AKNA: variants seen among roughly 807,000 people sequenced by gnomAD.
AKNA encodes AT-hook transcription factor, also known as microtubule organization protein AKNA.
AKNA carries 67 observed loss-of-function variants against 138.8 expected under a neutral mutation model. The ratio of observed to expected loss-of-function variants is 0.48; its 90% CI spans 0.40 to 0.59. The LOEUF (loss-of-function observed/expected upper bound fraction) is 0.59, where lower values mean the gene tolerates loss of function less well. AKNA is among the 20% of genes least tolerant of loss of function. The pLI is 0.00. For missense variants in AKNA, 1,813 were observed against 1,880.4 expected (o/e 0.96, Z 0.66); for synonymous variants, 737 against 754.4 (o/e 0.98, Z 0.38).
rs1832606987 is a variant in AKNA, at chr9:114,369,492, G to A, written c.1417-897C>T. 2.0e-5 allele frequency among the ~76,000 whole-genome samples: 3 copies of A among 152,196 alleles called. No individual in the cohort carries two copies. The South Asian group carries it at 6.2e-4, about 32-fold the overall frequency. ...TTTGCCAACTCTGGCTTAGCATGTG[G>A]GCTCTGCAGCTAGAGCCCAGGTTCC... On this transcript the variant is annotated intron_variant, in intron 4 of 21. Coordinates refer to ENST00000374088, the MANE Select transcript of AKNA (RefSeq NM_001317950.2).
At chr9:114,379,853 A>T (rs1425625926) in intron 2 of AKNA, among the ~76,000 whole-genome samples, 1 of 152,176 alleles carries the variant, frequency 6.6e-6, no homozygotes, top group Admixed American at 6.6e-5. Flanking sequence ...TTGGGATTTT[A>T]AAAAACCTTA....
At chr9:114,358,242 C>T (rs1456740472) in intron 11 of AKNA, 75 bp from the exon 12 acceptor site, 1 of 1,589,144 alleles carries the variant, frequency 6.3e-7, no homozygotes, top group African/African-American at 1.3e-5. Context: ...GTCCTGGGAG[C>T]CAAGCAGCCC....
chr9:114,389,112 C>T (rs1418230051), upstream of AKNA, among the ~76,000 whole-genome samples: 2 of 152,268 alleles, frequency 1.3e-5, no homozygotes, highest in East Asian at 1.9e-4. Flanking sequence ...AAAAGCAAGC[C>T]ACAAGAAGGT....
rs566700629 is a variant in AKNA at position 114,363,302 on chromosome 9, G to T, written c.1789-769C>A. ...CATGGCTAAAGCTGCAGGAATTGGGGTTGGTATCACTGTCTTACTACCATC... is the reference window on the plus strand; with the variant it reads ...CATGGCTAAAGCTGCAGGAATTGGGTTTGGTATCACTGTCTTACTACCATC... On this transcript the variant is annotated intron_variant, in intron 7 of 21. Coordinates refer to ENST00000374088, the MANE Select transcript of AKNA (RefSeq NM_001317950.2). Among the ~76,000 whole-genome samples, 14 of 152,328 alleles carry T rather than the reference G, an allele frequency of 9.2e-5. No homozygotes were observed. In the South Asian group the frequency reaches 2.9e-3, roughly 32 times the overall value.
intron 12 of AKNA, among the ~76,000 whole-genome samples, 185 bp from the exon 13 acceptor site, chr9:114,357,154 G>T (rs1180849413): frequency 6.6e-6 from 1 of 152,174 alleles, no homozygotes; most frequent in East Asian, 1.9e-4. Flanking sequence ...CAAGAATCTG[G>T]CTACCAGCAG....
chr9:114,352,699 G>A (rs1831215034), intron 14 of AKNA, among the ~76,000 whole-genome samples: 1 of 151,820 alleles, frequency 6.6e-6, no homozygotes, highest in Admixed American at 6.6e-5. Context: ...GAGGCGGGCG[G>A]GTCACAAGGT....
chr9:114,380,751 G>A lies in AKNA; in HGVS notation c.274+309C>T, dbSNP rs543332799. ...AGCACTTTGGGAGGCCGAGGCGGGC[G>A]GATCACGAGGTCAAGAGATTGAGAC... On this transcript the variant is annotated intron_variant, in intron 2 of 21. Coordinates refer to ENST00000374088, the MANE Select transcript of AKNA (RefSeq NM_001317950.2). Among the ~76,000 whole-genome samples, 601 of 151,260 alleles carry A rather than the reference G, an allele frequency of 4.0e-3. 2 individuals are homozygous for A. The highest frequency in any genetic ancestry group is 6.7e-3 in the Non-Finnish European group (455 of 67,886).
downstream of AKNA, chr9:114,330,516 T>A (rs1197966170): frequency 3.1e-6 from 5 of 1,612,018 alleles, no homozygotes; most frequent in Admixed American, 8.3e-5. Flanking sequence ...CAAGCAACCT[T>A]CTTTTACTTT....
At chr9:114,364,661 GTC>G in intron 6 of AKNA, 42 bp from the exon 7 acceptor site, 1 of 1,599,680 alleles carries the variant, frequency 6.3e-7, no homozygotes, top group Non-Finnish European at 8.6e-7. Flanking sequence ...CATTAATCCA[GTC>G]CTGTAGACTC....
Position 114,337,012 on chromosome 9 carries a change from T to TGGGGGGGGCG in AKNA, c.*41_*42insCGCCCCCCCC. The TGGGGGGGGCG allele has an allele frequency of 8.3e-7, 1 of 1,208,224 alleles. No individual in the cohort carries two copies. The allele number at this position is 1,208,224 out of a possible 1,614,324, so 74.8% of individuals were successfully genotyped here. On this transcript the variant is annotated 3_prime_UTR_variant, in exon 22 of 22. Coordinates refer to ENST00000374088, the MANE Select transcript of AKNA (RefSeq NM_001317950.2). ...CCCACTCCTGGCCTGGCAGGCCACC[T>TGGGGGGGGCG]GCCCACCCACCCACCCATCTGCCTC...
chr9:114,372,681 T>C (rs1194026477), intron 4 of AKNA, among the ~76,000 whole-genome samples: 2 of 152,140 alleles, frequency 1.3e-5, no homozygotes, highest in African/African-American at 4.8e-5. Context: ...AGCCCAAGTG[T>C]TTGGGTCTGA....
Position 114,355,987 on chromosome 9 carries a change from C to G in AKNA, c.2996G>C (p.Ser999Thr). 1 of 1,614,204 alleles carries G rather than the reference C, an allele frequency of 6.2e-7. No individual in the cohort carries two copies. The highest frequency in any genetic ancestry group is 8.5e-7 in the Non-Finnish European group (1 of 1,180,036). ...SQAQRYLSSP[S>T]GPLRQRAPNF... Reference sequence around the variant, plus strand: ...GGGTGCCCTCTGCCGGAGAGGCCCACTTGGGCTGGAGAGGTACCTCTGTGC... The same window carrying G: ...GGGTGCCCTCTGCCGGAGAGGCCCAGTTGGGCTGGAGAGGTACCTCTGTGC... The change falls in exon 14 of 22, where the codon AGT (serine) becomes ACT (threonine). Residue 999 changes from serine to threonine, a missense_variant. Ser to Thr is a moderately conservative substitution (Grantham distance 58). Coordinates refer to ENST00000374088, the MANE Select transcript of AKNA (RefSeq NM_001317950.2).
At chr9:114,361,035 G>C (rs1399746624) in intron 9 of AKNA, among the ~76,000 whole-genome samples, 2 of 152,034 alleles carry the variant, frequency 1.3e-5, no homozygotes, top group Non-Finnish European at 2.9e-5. Context: ...GTCCACACAT[G>C]CTTCTCCATT....
chr9:114,377,188 TC>T lies in AKNA; in HGVS notation c.618del (p.Ser207AlafsTer38). ...SPARSWSSGT[V>X]SLDHPSDSLD... ...AGGCTGTCACTAGGGTGGTCGAGGC[TC>T]ACTGTCCCACTGCTCCAGGACCTTG... On this transcript the variant is annotated frameshift_variant, in exon 3 of 22. Transcript: ENST00000374088. LOFTEE classifies it high-confidence loss of function. 1 of 1,614,176 alleles carries T rather than the reference TC, an allele frequency of 6.2e-7. No homozygotes were observed. The highest frequency in any genetic ancestry group is 8.5e-7 in the Non-Finnish European group (1 of 1,180,010).
rs770304338 is a variant in AKNA, at chr9:114,355,970, T to A, written c.3013A>T (p.Arg1005Trp). ...LSSPSGPLRQ[R>W]APNFSLERTL... Reference sequence around the variant, plus strand: ...CGCTCCAGGCTGAAGTTGGGTGCCCTCTGCCGGAGAGGCCCACTTGGGCTG... The same window carrying A: ...CGCTCCAGGCTGAAGTTGGGTGCCCACTGCCGGAGAGGCCCACTTGGGCTG... Residue 1005 changes from arginine to tryptophan, a missense_variant, in exon 14 of 22, where the codon AGG (arginine) becomes TGG (tryptophan). Transcript: ENST00000374088. 2 of 1,614,216 alleles carry A rather than the reference T, an allele frequency of 1.2e-6. No individual in the cohort carries two copies. The highest frequency in any genetic ancestry group is 1.7e-6 in the Non-Finnish European group (2 of 1,180,038).
intron 11 of AKNA, 61 bp from the exon 12 acceptor site, chr9:114,358,228 G>C (rs1480256351): frequency 6.9e-6 from 11 of 1,603,752 alleles, no homozygotes; most frequent in Non-Finnish European, 9.3e-6. Context: ...GCAGGGGTTG[G>C]CCTGTCCTGG....
intron 4 of AKNA, among the ~76,000 whole-genome samples, chr9:114,369,263 G>A (rs1400456094): frequency 1.3e-5 from 2 of 152,312 alleles, no homozygotes; most frequent in East Asian, 3.9e-4. Flanking sequence ...GGAAACCACA[G>A]GCTGTTCAAC....
At chr9:114,354,208 A>G (rs1040859948) in intron 14 of AKNA, among the ~76,000 whole-genome samples, 3 of 152,082 alleles carry the variant, frequency 2.0e-5, no homozygotes, top group Non-Finnish European at 4.4e-5. Context: ...AAAAAACTTT[A>G]AAAACTTTTC....
At chr9:114,355,774 T>C in intron 14 of AKNA, 151 bp downstream of exon 14, 1 of 852,416 alleles carries the variant, frequency 1.2e-6, no homozygotes, top group South Asian at 1.9e-5. Flanking sequence ...TATTTTTTTT[T>C]CTTTTGTTCC....
Sources: allele counts gnomAD v4.1 joint callset (sites outside exome capture counted in the v4.1 genomes callset), GRCh38; gene constraint gnomAD v4.1.1; transcripts MANE v1.5; gene names NCBI Gene and HGNC (gene_info 2026-07-23, HGNC 2026-07-21).